The following KAZN variants were observed in gnomAD, a reference collection of about 807,000 sequenced individuals.
KAZN encodes kazrin.
Under a neutral mutation model 87.4 loss-of-function variants are expected in KAZN, and 40 were observed. The observed-to-expected ratio is 0.46, with a 90% CI of 0.36 to 0.60. KAZN has a LOEUF of 0.60. Ranked by LOEUF, KAZN falls within the 20% of genes least tolerant of loss-of-function variation. The pLI is 0.00. For missense variants in KAZN, 898 were observed against 1,073.9 expected (o/e 0.84, Z 2.29); for synonymous variants, 466 against 458.3 (o/e 1.02, Z -0.22).
chr1:14,412,508 G>C (rs1664388949), intron 2 of KAZN, among the ~76,000 whole-genome samples: 1 of 152,110 alleles, frequency 6.6e-6, no homozygotes, highest in African/African-American at 2.4e-5. Context: ...AAATTAGCAA[G>C]TAGTTCTAAA....
At chr1:14,271,482 CTG>C (rs1323541781) in intron 2 of KAZN, among the ~76,000 whole-genome samples, 1 of 152,188 alleles carries the variant, frequency 6.6e-6, no homozygotes, top group African/African-American at 2.4e-5. Flanking sequence ...AAGGTATAAT[CTG>C]AGGCAGGAAC....
intron 1 of KAZN, among the ~76,000 whole-genome samples, chr1:14,014,155 A>G (rs897338339): frequency 2.0e-5 from 3 of 152,168 alleles, no homozygotes; most frequent in Admixed American, 6.5e-5. Context: ...ATACCACAAT[A>G]TATCAATAAC....
chr1:14,544,261 T>C (rs1036787486), intron 2 of KAZN, among the ~76,000 whole-genome samples: 4 of 151,432 alleles, frequency 2.6e-5, no homozygotes, highest in Non-Finnish European at 5.9e-5. Flanking sequence ...TCTCAAGGGA[T>C]CTCAAATTCT....
intron 1 of KAZN, among the ~76,000 whole-genome samples, chr1:14,613,440 C>T (rs185758584): frequency 3.7e-4 from 57 of 152,300 alleles, no homozygotes; most frequent in Middle Eastern, 3.4e-3. Context: ...CACAAGTTAA[C>T]ATCTGGATTT....
chr1:14,117,661 C>T (rs1427210532), intron 1 of KAZN, among the ~76,000 whole-genome samples: 1 of 152,042 alleles, frequency 6.6e-6, no homozygotes, highest in Non-Finnish European at 1.5e-5. Flanking sequence ...CAGGCATAAC[C>T]CAGATCTGAA....
At chr1:14,749,764 C>A (rs958293130) in intron 1 of KAZN, among the ~76,000 whole-genome samples, 1 of 152,116 alleles carries the variant, frequency 6.6e-6, no homozygotes, top group Non-Finnish European at 1.5e-5. Context: ...CATTTCCTGC[C>A]TCTCCTGGGA....
chr1:15,021,545 G>T lies in KAZN; in HGVS notation c.419-13204G>T, dbSNP rs1670667883. 6.6e-6 allele frequency among the ~76,000 whole-genome samples: 1 copy of T among 152,162 alleles called. No homozygotes were observed. Among genetic ancestry groups the T allele is most frequent in the South Asian group, 2.1e-4 (1 of 4,832 alleles). The stretch of plus-strand genomic sequence containing the variant: ...ACCTTGGCCTCCTGTCTCCCTCGGG[G>T]AGGAGCAGGCAGTGGGGGCCTGCTT... On this transcript the variant is annotated intron_variant, in intron 2 of 14. Transcript: ENST00000376030. This position sits in a 1 kb window ranked among gnomAD's most constrained non-coding sequence, Gnocchi z 4.2.
At position 15,094,380 on chromosome 1, in the gene KAZN, G is replaced by T. The variant is rs1010238591; in HGVS notation, c.1423G>T (p.Gly475Trp). 1.2e-6 allele frequency: 2 copies of T among 1,611,378 alleles called. No homozygotes were observed. Among genetic ancestry groups the T allele is most frequent in the South Asian group, 1.1e-5 (1 of 90,652 alleles). Residue 475 changes from glycine (G) to tryptophan (W), a missense_variant, in exon 9 of 15, where the codon GGG becomes TGG. Gly to Trp is a radical substitution (Grantham distance 184). This residue lies in a region of KAZN where 521 missense variants were observed against 689.4 expected (regional missense o/e 0.76). Coordinates refer to ENST00000376030, the MANE Select transcript of KAZN (RefSeq NM_201628.3). The surrounding 1 kb of genome is among the most constrained non-coding windows in gnomAD (Gnocchi z 4.5). ...VKACTENVKSGKVLLSLSDED... is the reference protein window; with the variant it reads ...VKACTENVKSWKVLLSLSDED... ...GGCCTGCACGGAGAACGTGAAGAGC[G>T]GGAAGGTAGGCAACTCCGGGCCCCC... is the stretch of plus-strand genomic sequence containing the variant.
chr1:14,962,109 G>A (rs1238732585), intron 2 of KAZN, among the ~76,000 whole-genome samples: 6 of 152,210 alleles, frequency 3.9e-5, no homozygotes, highest in Non-Finnish European at 4.4e-5. Flanking sequence ...ACAGTTAATC[G>A]GCTCAGTGAG....
At chr1:14,572,956 G>A (rs772270854) in intron 2 of KAZN, among the ~76,000 whole-genome samples, 4 of 152,130 alleles carry the variant, frequency 2.6e-5, no homozygotes, top group Admixed American at 6.6e-5. Context: ...AAAGTTTTCC[G>A]TGCTACCCAG....
chr1:14,684,141 A>G (rs1036188422), intron 1 of KAZN, among the ~76,000 whole-genome samples: 2 of 152,148 alleles, frequency 1.3e-5, no homozygotes, highest in Non-Finnish European at 2.9e-5. Context: ...GTCTCTTATC[A>G]TCTTCACAAG....
intron 1 of KAZN, among the ~76,000 whole-genome samples, chr1:13,954,654 G>T (rs997495346): frequency 3.3e-5 from 5 of 152,128 alleles, no homozygotes; most frequent in African/African-American, 1.2e-4. Context: ...ATTCTCTGAG[G>T]ACAGCCATGC....
chr1:14,438,519 A>G (rs1242215984), intron 2 of KAZN, among the ~76,000 whole-genome samples: 1 of 152,230 alleles, frequency 6.6e-6, no homozygotes, highest in Non-Finnish European at 1.5e-5. Context: ...CATTCTAGAC[A>G]TCAAGACACA....
At chr1:14,914,802 C>T (rs1005428277) in intron 1 of KAZN, among the ~76,000 whole-genome samples, 2 of 152,240 alleles carry the variant, frequency 1.3e-5, no homozygotes, top group Non-Finnish European at 2.9e-5. Context: ...CTTAACCTCT[C>T]TGAACCTTGG....
At chr1:14,946,903 A>G (rs1232033553) in intron 1 of KAZN, among the ~76,000 whole-genome samples, 4 of 152,174 alleles carry the variant, frequency 2.6e-5, no homozygotes, top group Non-Finnish European at 5.9e-5. Context: ...TGTCTATAAT[A>G]TGGAAATAGA....
rs187728809 is a variant in KAZN, at chr1:13,912,627, A to C, written c.91+18871A>C. Among the ~76,000 whole-genome samples, 345 of 152,156 alleles carry C rather than the reference A, an allele frequency of 2.3e-3. 2 individuals are homozygous for C. Among genetic ancestry groups the C allele is most frequent in the African/African-American group, 7.4e-3 (309 of 41,548 alleles). On this transcript the variant is annotated intron_variant, in intron 1 of 16. Coordinates refer to the KAZN transcript ENST00000636203. Reference sequence around the variant, plus strand: ...CTAATGCAATTCTTTTTTTTGAGACAGGGTCTCACTCTGTTGCCCAAGCTG... The same window carrying C: ...CTAATGCAATTCTTTTTTTTGAGACCGGGTCTCACTCTGTTGCCCAAGCTG...
chr1:14,309,021 G>A (rs1557630760), intron 2 of KAZN, among the ~76,000 whole-genome samples: 1 of 152,230 alleles, frequency 6.6e-6, no homozygotes, highest in Non-Finnish European at 1.5e-5. Flanking sequence ...CAGTCAAAAT[G>A]TGTGGAGTCT....
At chr1:15,065,209 G>A (rs1639136388) in intron 7 of KAZN, among the ~76,000 whole-genome samples, 1 of 151,878 alleles carries the variant, frequency 6.6e-6, no homozygotes, top group South Asian at 2.1e-4. Flanking sequence ...TGTATTTTTA[G>A]TAGAGACAGG....
chr1:14,303,655 C>T (rs1263846353), intron 2 of KAZN, among the ~76,000 whole-genome samples: 5 of 152,182 alleles, frequency 3.3e-5, no homozygotes, highest in Non-Finnish European at 5.9e-5. Flanking sequence ...AAGTTGGTCC[C>T]AGAATGAACA....
Sources: gnomAD v4.1 joint callset for allele counts (sites outside exome capture counted in the v4.1 genomes callset) on GRCh38, gnomAD v4.1.1 for gene constraint, gnomAD v4.1.1 regional missense constraint, Gnocchi (gnomAD v3.1) non-coding constraint, MANE v1.5 for transcripts, NCBI Gene and HGNC (gene_info 2026-07-23, HGNC 2026-07-21) for gene names.